Variants in BICRAL observed in about 807,000 individuals in gnomAD.
BICRAL encodes BRD4-interacting chromatin-remodeling complex-associated protein-like.
Under a neutral mutation model 91.8 loss-of-function variants are expected in BICRAL, and 8 were observed. That is an observed-to-expected ratio of 0.09 (90% CI 0.05 to 0.16). The LOEUF is 0.16. Ranked by LOEUF, BICRAL falls within the 10% of genes least tolerant of loss-of-function variation. The pLI, the probability that BICRAL is intolerant of heterozygous loss-of-function variation, is 1.00. For synonymous variants in BICRAL, 445 were observed against 491.1 expected (o/e 0.91, Z 1.24); for missense variants, 1,038 against 1,310.9 (o/e 0.79, Z 3.21).
At position 42,866,891 on chromosome 6, in the gene BICRAL, A is replaced by G. The variant is rs1392191114; in HGVS notation, c.*1445A>G. 1 of 455,876 alleles carries G rather than the reference A, an allele frequency of 2.2e-6. No homozygotes were observed. The highest frequency in any genetic ancestry group is 4.4e-6 in the Non-Finnish European group (1 of 226,780). 28.2% of individuals were successfully genotyped at this position (455,876 alleles called of 1,614,324 possible). On this transcript the variant is annotated 3_prime_UTR_variant, in exon 13 of 13. Transcript: ENST00000314073. ...TATCTCCTCTCATTGGGAAAGCTAC[A>G]TGATAGTATTTTTATGCACTCTTCT...
At chr6:42,822,882 T>C (rs762606829) in intron 4 of BICRAL, 38 bp downstream of exon 4, 1 of 1,528,054 alleles carries the variant, frequency 6.5e-7, no homozygotes, top group East Asian at 2.3e-5. Context: ...ATCTATTTTG[T>C]TTCTGCTTTA....
At chr6:42,775,684 T>C (rs1169537609) in intron 1 of BICRAL, among the ~76,000 whole-genome samples, 2 of 152,228 alleles carry the variant, frequency 1.3e-5, no homozygotes, top group African/African-American at 4.8e-5. Flanking sequence ...ACAGCTCTGC[T>C]GTATTGTATT....
intron 6 of BICRAL, among the ~76,000 whole-genome samples, chr6:42,847,244 T>G (rs1265564240): frequency 6.6e-6 from 1 of 152,140 alleles, no homozygotes; most frequent in Non-Finnish European, 1.5e-5. Flanking sequence ...ATACCCTGTC[T>G]TAGGGAAAAC....
intron 9 of BICRAL, among the ~76,000 whole-genome samples, chr6:42,856,807 C>T (rs749708822): frequency 6.6e-6 from 1 of 152,006 alleles, no homozygotes; most frequent in Non-Finnish European, 1.5e-5. Flanking sequence ...GAAATGTTAG[C>T]ATGAACTTAG....
At position 42,752,942 on chromosome 6, in the gene BICRAL, G is replaced by C. The variant is rs182733449; in HGVS notation, c.-261+5919G>C. Among the ~76,000 whole-genome samples, 27 of 141,408 alleles carry C rather than the reference G, an allele frequency of 1.9e-4. 1 individual carries two copies. In the East Asian group the frequency reaches 2.9e-3, roughly 15 times the overall value. The allele number at this position is 141,408 out of a possible 152,430, so 92.8% of individuals were successfully genotyped here. On this transcript the variant is annotated intron_variant, in intron 1 of 14. Coordinates refer to the BICRAL transcript ENST00000614467. ...TTTTTTTTTTTTTTTTTTTGGTTGG[G>C]GGGGTACGGAGTTTTGCTCTGTCAC...
rs772499330 is a variant in BICRAL, at chr6:42,828,870, C to G, written c.537C>G (p.Ser179Arg). Residue 179 changes from serine to arginine, a missense_variant, in exon 6 of 13, where the codon AGC becomes AGG. By Grantham distance (110) the Ser-to-Arg change is moderately radical (BLOSUM62 -1). Around this residue, in one of 5 missense-constraint regions of BICRAL, gnomAD observed 532 missense variants for 724.9 expected, o/e 0.73. Transcript: ENST00000314073. ...TGCCTGTTGGAGCATCGTTTGCAAG[C>G]AATACAGTGGGTGTACAACATGGCT... ...THVPVGASFA[S>R]NTVGVQHGFM... 6.2e-7 allele frequency: 1 copy of G among 1,614,142 alleles called. No individual in the cohort carries two copies. Among genetic ancestry groups the G allele is most frequent in the Non-Finnish European group, 8.5e-7 (1 of 1,180,006 alleles).
At chr6:42,818,871 T>A (rs1245463563) in intron 2 of BICRAL, among the ~76,000 whole-genome samples, 2 of 152,216 alleles carry the variant, frequency 1.3e-5, no homozygotes, top group Non-Finnish European at 2.9e-5. Context: ...TTAAGATGTT[T>A]GTTGGTGCAA....
At chr6:42,831,052 G>A (rs1392437497) in intron 6 of BICRAL, among the ~76,000 whole-genome samples, 3 of 152,174 alleles carry the variant, frequency 2.0e-5, no homozygotes, top group Admixed American at 1.3e-4. Flanking sequence ...TAGTGAAATG[G>A]GGATAATGAT....
chr6:42,814,863 A>G (rs987798880), intron 2 of BICRAL, among the ~76,000 whole-genome samples: 4 of 151,990 alleles, frequency 2.6e-5, no homozygotes, highest in Non-Finnish European at 5.9e-5. Flanking sequence ...TAGTGGCCAC[A>G]TACCAAATTT....
intron 1 of BICRAL, among the ~76,000 whole-genome samples, chr6:42,802,022 C>T (rs1033829296): frequency 1.3e-5 from 2 of 152,128 alleles, no homozygotes; most frequent in African/African-American, 4.8e-5. Context: ...TACCTATAAT[C>T]TCAGCACTTT....
At chr6:42,835,916 C>T (rs1211901650) in intron 6 of BICRAL, among the ~76,000 whole-genome samples, 3 of 152,168 alleles carry the variant, frequency 2.0e-5, no homozygotes, top group East Asian at 3.9e-4. Flanking sequence ...GGTGACAGAG[C>T]GAGACCCTGT....
At chr6:42,771,902 G>C (rs921324591) in intron 1 of BICRAL, among the ~76,000 whole-genome samples, 6 of 152,082 alleles carry the variant, frequency 3.9e-5, no homozygotes, top group African/African-American at 1.4e-4. Flanking sequence ...TCCAATATTC[G>C]CATTTCTGCA....
intron 1 of BICRAL, among the ~76,000 whole-genome samples, chr6:42,756,996 A>C (rs1762472934): frequency 7.6e-6 from 1 of 130,824 alleles, no homozygotes; most frequent in Non-Finnish European, 1.5e-5. Flanking sequence ...GCTTCTTTTC[A>C]CAGTGGCTGG....
At chr6:42,856,593 T>C (rs180715085) in intron 9 of BICRAL, among the ~76,000 whole-genome samples, 493 of 151,888 alleles carry the variant, frequency 3.2e-3, no homozygotes, top group Non-Finnish European at 4.9e-3. Flanking sequence ...AGGCTGGTCT[T>C]GAACTCCTGA....
intron 1 of BICRAL, among the ~76,000 whole-genome samples, chr6:42,759,270 T>C (rs968620430): frequency 1.3e-5 from 2 of 151,480 alleles, no homozygotes; most frequent in East Asian, 3.8e-4. Context: ...CAGCTTAATC[T>C]TGAAGGCACT....
intron 10 of BICRAL, among the ~76,000 whole-genome samples, chr6:42,858,616 G>C (rs902612218): frequency 6.7e-6 from 1 of 148,948 alleles, no homozygotes. Context: ...TCAGGAGTTC[G>C]AGACCAGCCT....
chr6:42,829,725 C>A lies in BICRAL; in HGVS notation c.1392C>A (p.Asn464Lys), dbSNP rs780969103. ...TNQPYTGPML[N>K]NQNTAVHLVS... ...AACCATATACTGGACCGATGCTTAA[C>A]AACCAGAATACTGCTGTCCACTTAG... is the stretch of plus-strand genomic sequence containing the variant. The change falls in exon 6 of 13, where the codon AAC becomes AAA. Residue 464 changes from asparagine to lysine, a missense_variant. Asn to Lys is a moderately conservative substitution (Grantham distance 94). This residue lies in a region of BICRAL where 532 missense variants were observed against 724.9 expected (regional missense o/e 0.73). Transcript: ENST00000314073. 2 of 1,614,128 alleles carry A rather than the reference C, an allele frequency of 1.2e-6. No individual in the cohort carries two copies. The highest frequency in any genetic ancestry group is 1.1e-5 in the South Asian group (1 of 91,086).
At chr6:42,819,403 A>T (rs1235754505) in intron 2 of BICRAL, among the ~76,000 whole-genome samples, 1 of 152,100 alleles carries the variant, frequency 6.6e-6, no homozygotes, top group African/African-American at 2.4e-5. Flanking sequence ...CTCCTGCCTT[A>T]GCCTCCCGAG....
chr6:42,771,122 C>T (rs1762717648), intron 1 of BICRAL, among the ~76,000 whole-genome samples: 1 of 152,234 alleles, frequency 6.6e-6, no homozygotes, highest in Non-Finnish European at 1.5e-5. Flanking sequence ...TCATTTATCT[C>T]TGTAAGAACG....
Sources: gnomAD v4.1 joint callset for allele counts (sites outside exome capture counted in the v4.1 genomes callset) on GRCh38, gnomAD v4.1.1 for gene constraint, gnomAD v4.1.1 regional missense constraint, MANE v1.5 for transcripts, NCBI Gene and HGNC (gene_info 2026-07-23, HGNC 2026-07-21) for gene names.